PPFIBP2: variants seen among roughly 807,000 people sequenced by gnomAD.
The protein encoded by PPFIBP2 is PPFIB scaffold protein 2, also known as liprin-beta-2.
A neutral mutation model predicts 118.3 loss-of-function variants in PPFIBP2; 118 were observed. The ratio of observed to expected loss-of-function variants is 1.00; its 90% confidence interval spans 0.86 to 1.16. PPFIBP2 has a LOEUF of 1.16. Among genes scored for constraint, PPFIBP2 ranks in the 50% most tolerant of loss-of-function variants. The pLI is 0.00. For synonymous variants in PPFIBP2, 414 were observed against 397.4 expected (o/e 1.04, Z -0.50); for missense variants, 1,195 against 1,073.1 (o/e 1.11, Z -1.59).
chr11:7,666,362 T>C, the PPFIBP2 span: 3 of 868,180 alleles, frequency 3.5e-6, no homozygotes, highest in African/African-American at 5.0e-5. Flanking sequence ...CCTACAAAAC[T>C]AAAACAAAAC....
intron 5 of PPFIBP2, among the ~76,000 whole-genome samples, chr11:7,607,046 G>A (rs1418407934): frequency 1.3e-5 from 2 of 149,924 alleles, no homozygotes; most frequent in African/African-American, 2.5e-5. Context: ...CAGTAGCTGG[G>A]ACTACAGGTG....
the PPFIBP2 span, chr11:7,665,285 T>TGAAAACATCCCA: frequency 5.0e-6 from 6 of 1,199,576 alleles, no homozygotes; most frequent in Non-Finnish European, 6.9e-6. Flanking sequence ...AAGGCACTTT[T>TGAAAACATCCCA]GAAAACATCC....
chr11:7,562,966 T>C (rs1394241623), intron 2 of PPFIBP2, among the ~76,000 whole-genome samples: 12 of 74,132 alleles, frequency 1.6e-4, no homozygotes, highest in African/African-American at 7.7e-4. Context: ...TATATATATA[T>C]ATATATATAT....
intron 3 of PPFIBP2, among the ~76,000 whole-genome samples, chr11:7,590,649 T>G (rs1429578554): frequency 6.6e-6 from 1 of 152,258 alleles, no homozygotes; most frequent in Non-Finnish European, 1.5e-5. Flanking sequence ...TATGTCAAAG[T>G]GCTCTGAACA....
intron 3 of PPFIBP2, chr11:7,577,559 A>G (rs1456330328): frequency 2.2e-6 from 1 of 456,692 alleles, no homozygotes; most frequent in Non-Finnish European, 4.4e-6. Context: ...TTTTTCCACC[A>G]AGGCATCTAA....
chr11:7,597,498 G>T, intron 4 of PPFIBP2, 62 bp from the exon 5 acceptor site: 1 of 1,551,174 alleles, frequency 6.4e-7, no homozygotes, highest in Non-Finnish European at 8.8e-7. Flanking sequence ...CTGAGGTGGG[G>T]AGGCTTTCCT....
At chr11:7,556,266 T>C (rs992418977) in intron 2 of PPFIBP2, among the ~76,000 whole-genome samples, 9 of 152,066 alleles carry the variant, frequency 5.9e-5, no homozygotes, top group East Asian at 5.8e-4. Flanking sequence ...CCATCCTGGC[T>C]AACACAGTGA....
chr11:7,601,693 C>T (rs926158685), intron 5 of PPFIBP2, among the ~76,000 whole-genome samples: 2 of 152,206 alleles, frequency 1.3e-5, no homozygotes, highest in Non-Finnish European at 1.5e-5. Context: ...GGCGCTGTGG[C>T]TCATGCCTGT....
chr11:7,538,028 G>A (rs987904403), intron 1 of PPFIBP2, among the ~76,000 whole-genome samples: 4 of 152,198 alleles, frequency 2.6e-5, no homozygotes, highest in Admixed American at 6.5e-5. Context: ...AAATAGGTGA[G>A]AAGAGTCAGA....
intron 1 of PPFIBP2, 103 bp from the exon 2 acceptor site, chr11:7,549,337 G>C (rs146854758): frequency 9.4e-7 from 1 of 1,061,104 alleles, no homozygotes; most frequent in East Asian, 2.6e-5. Flanking sequence ...TGATTCTTAT[G>C]AAAACACGTT....
intron 1 of PPFIBP2, among the ~76,000 whole-genome samples, chr11:7,537,066 C>T (rs920613827): frequency 3.3e-5 from 5 of 152,006 alleles, no homozygotes; most frequent in African/African-American, 9.7e-5. Flanking sequence ...TTCAGGTCCC[C>T]GCCTCCTCCT....
intron 20 of PPFIBP2, 113 bp from the exon 21 acceptor site, chr11:7,649,419 G>C (rs935369872): frequency 7.0e-7 from 1 of 1,428,772 alleles, no homozygotes; most frequent in African/African-American, 1.4e-5. Flanking sequence ...GTGTCTCCAC[G>C]TGCACCTTCC....
At chr11:7,587,146 T>G (rs1858359074) in intron 3 of PPFIBP2, among the ~76,000 whole-genome samples, 2 of 152,216 alleles carry the variant, frequency 1.3e-5, no homozygotes, top group Non-Finnish European at 2.9e-5. Context: ...GAAATAAGAA[T>G]GGAAGCAAAC....
chr11:7,626,835 A>G (rs76266288), intron 8 of PPFIBP2, among the ~76,000 whole-genome samples: 9,261 of 152,298 alleles, frequency 0.061, 328 homozygotes, highest in Middle Eastern at 0.099. Context: ...TCCTGGCCTC[A>G]GCACTGCAAG....
intron 5 of PPFIBP2, among the ~76,000 whole-genome samples, chr11:7,608,213 A>G (rs1404405773): frequency 2.6e-5 from 4 of 152,208 alleles, no homozygotes; most frequent in African/African-American, 9.7e-5. Context: ...GGCTCATTGA[A>G]TATTTGTTGA....
chr11:7,610,786 T>C (rs1847972278), intron 6 of PPFIBP2, among the ~76,000 whole-genome samples: 1 of 152,196 alleles, frequency 6.6e-6, no homozygotes, highest in African/African-American at 2.4e-5. Context: ...CAATAGGCCA[T>C]TGACACTGGA....
chr11:7,666,415 C>G, the PPFIBP2 span: 2 of 1,392,510 alleles, frequency 1.4e-6, no homozygotes, highest in African/African-American at 1.4e-5. Flanking sequence ...AGGGTTGGTG[C>G]TGACCCATGG....
chr11:7,630,996 A>T lies in PPFIBP2; in HGVS notation c.1036A>T (p.Asn346Tyr). ...AGGTTTCAGCAAGTGGAACGCTACA[A>T]ATAAGGACCCTGAAGAATTATTTAA... ...EGGFSKWNATNKDPEELFKQE... is the reference protein window; with the variant it reads ...EGGFSKWNATYKDPEELFKQE... Residue 346 changes from asparagine (N) to tyrosine (Y), a missense_variant, in exon 11 of 24, where the codon AAT becomes TAT. Asn to Tyr is a moderately radical substitution (Grantham distance 143, BLOSUM62 -2). Transcript: ENST00000299492. 2 of 1,613,960 alleles carry T rather than the reference A, an allele frequency of 1.2e-6. No homozygotes were observed.
rs758085773 is a variant in PPFIBP2, at chr11:7,629,493, A to G, written c.923A>G (p.Asn308Ser). The G allele has an allele frequency of 1.5e-5, 24 of 1,614,112 alleles. No homozygotes were observed. The South Asian group carries it at 2.4e-4, about 16-fold the overall frequency. The change falls in exon 10 of 24, where the codon AAC becomes AGC. Residue 308 changes from asparagine to serine, a missense_variant. Coordinates refer to ENST00000299492, the MANE Select transcript of PPFIBP2 (RefSeq NM_003621.5). ...RRIEELTGLL[N>S]QYRKVKEIVM... ...ATAGAGGAGCTTACGGGGCTGTTAAACCAGTACCGGAAGGTAAAGGAGATT... is the reference window on the plus strand; with the variant it reads ...ATAGAGGAGCTTACGGGGCTGTTAAGCCAGTACCGGAAGGTAAAGGAGATT...
Sources: allele counts gnomAD v4.1 joint callset (sites outside exome capture counted in the v4.1 genomes callset), GRCh38; gene constraint gnomAD v4.1.1; transcripts MANE v1.5; gene names NCBI Gene and HGNC (gene_info 2026-07-23, HGNC 2026-07-21).